RHOBTB2: variants seen among roughly 807,000 people sequenced by gnomAD.
RHOBTB2 encodes the protein rho-related BTB domain-containing protein 2.
Under a neutral mutation model 66.5 loss-of-function variants are expected in RHOBTB2, and 39 were observed. That is an observed-to-expected ratio of 0.59 (90% CI 0.45 to 0.77). The LOEUF is 0.77. Among genes scored for constraint, RHOBTB2 ranks in the 30% least tolerant of loss-of-function variants. RHOBTB2 has a pLI of 0.00. For missense variants in RHOBTB2, 755 were observed against 999.1 expected, an observed-to-expected ratio of 0.76 and a Z score of 3.29; for synonymous variants, 390 against 395.0, an observed-to-expected ratio of 0.99 and a Z score of 0.15.
upstream of RHOBTB2, among the ~76,000 whole-genome samples, chr8:22,986,474 G>C: frequency 6.6e-6 from 1 of 151,650 alleles, no homozygotes; most frequent in East Asian, 1.9e-4. Context: ...GCCCAGGCTG[G>C]TCTTGAACTA....
chr8:23,010,597 C>G lies in RHOBTB2; in HGVS notation c.1680C>G (p.Thr560=). ...CMRAVLEYLY[T]GMFTSSPDLD... is the part of the protein sequence containing the mutation. ...GGGCCGTGCTGGAATACCTCTACAC[C>G]GGCATGTTCACCTCCAGCCCCGACC... The change falls in exon 7 of 10, where the codon ACC becomes ACG. Residue 560 remains threonine (T), a synonymous_variant. Transcript: ENST00000251822. 2 of 1,614,124 alleles carry G rather than the reference C, an allele frequency of 1.2e-6. No individual in the cohort carries two copies.
At chr8:22,975,096 T>C in the RHOBTB2 span, among the ~76,000 whole-genome samples, 2 of 151,980 alleles carry the variant, frequency 1.3e-5, no homozygotes, top group Non-Finnish European at 2.9e-5. Flanking sequence ...GCCTCCTCTC[T>C]CCCAAGAGAG....
chr8:22,972,474 A>G, the RHOBTB2 span, among the ~76,000 whole-genome samples: 1 of 152,156 alleles, frequency 6.6e-6, no homozygotes, highest in Non-Finnish European at 1.5e-5. Context: ...CACCACTGTC[A>G]GCCCTCCCGG....
chr8:22,976,012 GAC>G, the RHOBTB2 span, among the ~76,000 whole-genome samples: 1 of 152,116 alleles, frequency 6.6e-6, no homozygotes, highest in African/African-American at 2.4e-5. Context: ...CAAGTGTGGT[GAC>G]ACACACCTGT....
intron 3 of RHOBTB2, 146 bp downstream of exon 3, chr8:23,005,621 C>A (rs1810924698): frequency 1.5e-6 from 1 of 656,544 alleles, no homozygotes; most frequent in South Asian, 1.8e-5. Flanking sequence ...GGGGCTGGGG[C>A]AGCCTGGTGC....
Position 23,007,684 on chromosome 8 carries a change from A to G in RHOBTB2, c.1439A>G (p.Lys480Arg). The G allele has an allele frequency of 6.2e-7, 1 of 1,614,194 alleles. No individual in the cohort carries two copies. The highest frequency in any genetic ancestry group is 8.5e-7 in the Non-Finnish European group (1 of 1,180,038). Residue 480 changes from lysine (K) to arginine (R), a missense_variant, in exon 5 of 10, where the codon AAG becomes AGG. Lys to Arg is a conservative substitution (Grantham distance 26). Transcript: ENST00000251822. ...NEAFMNQEIT[K>R]AFHVRRTNRV... Reference sequence around the variant, plus strand: ...GCCTTCATGAACCAGGAGATCACCAAGGCCTTCCACGTCCGCCGGACCAAC... The same window carrying G: ...GCCTTCATGAACCAGGAGATCACCAGGGCCTTCCACGTCCGCCGGACCAAC...
chr8:23,014,103 T>A (rs1349150273), intron 7 of RHOBTB2, among the ~76,000 whole-genome samples: 1 of 152,230 alleles, frequency 6.6e-6, no homozygotes, highest in Non-Finnish European at 1.5e-5. Context: ...TTCTAGGTCT[T>A]TTCTGGGGGC....
chr8:23,000,324 G>A (rs1434161483), intron 1 of RHOBTB2, among the ~76,000 whole-genome samples: 2 of 152,192 alleles, frequency 1.3e-5, no homozygotes, highest in African/African-American at 4.8e-5. Flanking sequence ...GGCCTGTCGT[G>A]CCCCTCCCCC....
chr8:22,972,652 A>G, the RHOBTB2 span, among the ~76,000 whole-genome samples: 1 of 152,190 alleles, frequency 6.6e-6, no homozygotes, highest in Admixed American at 6.5e-5. Context: ...CAGGCATCAG[A>G]GGCGCTCGGA....
the RHOBTB2 span, among the ~76,000 whole-genome samples, chr8:22,968,269 GT>G: frequency 6.6e-6 from 1 of 151,908 alleles, no homozygotes; most frequent in Non-Finnish European, 1.5e-5. Context: ...TAAAATGGGA[GT>G]TTTTTCTTAA....
rs1325300308 is a variant in RHOBTB2 at position 23,018,899 on chromosome 8, T to C, written c.*1430T>C. The stretch of plus-strand genomic sequence containing the variant: ...GAATGGAGCAGGAGGAAAAGCAGAG[T>C]TGGTCTAGAGAGGAGGAGGGCGGGG... On this transcript the variant is annotated 3_prime_UTR_variant, in exon 10 of 10. Coordinates refer to ENST00000251822, the MANE Select transcript of RHOBTB2 (RefSeq NM_015178.3). 6.6e-6 allele frequency: 1 copy of C among 152,392 alleles called. No individual in the cohort carries two copies. Among genetic ancestry groups the C allele is most frequent in the Non-Finnish European group, 1.5e-5 (1 of 68,238 alleles). The allele number at this position is 152,392 out of a possible 1,614,324, so 9.4% of individuals were successfully genotyped here.
In RHOBTB2 at chr8:23,004,049, TC is replaced by T. The variant is rs1810867791; in HGVS notation, c.-10-375del. ...CTGTTTGTTGTTCTGCTGCCACTGC[TC>T]TGCCGGGGAAGGAGGAGGAGAGCAG... On this transcript the variant is annotated intron_variant, in intron 1 of 9. Coordinates refer to ENST00000251822, the MANE Select transcript of RHOBTB2 (RefSeq NM_015178.3). This position sits in a 1 kb window ranked among gnomAD's most constrained non-coding sequence, Gnocchi z 6.4. 9.5e-6 allele frequency: 3 copies of T among 315,892 alleles called. No homozygotes were observed. The highest frequency in any genetic ancestry group is 4.4e-5 in the Admixed American group (1 of 22,738). The allele number at this position is 315,892 out of a possible 1,614,324, so 19.6% of individuals were successfully genotyped here. A position where few individuals can be genotyped will look rare whatever the true frequency, so the allele number is the denominator to read the frequency against.
chr8:22,995,904 G>A (rs1343598188), upstream of RHOBTB2: 2 of 1,550,614 alleles, frequency 1.3e-6, no homozygotes, highest in Non-Finnish European at 8.7e-7. Flanking sequence ...GCAAAGTGTT[G>A]AAGGGTAAAG....
At chr8:22,954,596 T>C in the RHOBTB2 span, among the ~76,000 whole-genome samples, 1 of 152,204 alleles carries the variant, frequency 6.6e-6, no homozygotes, top group African/African-American at 2.4e-5. Context: ...TTGAGACAAT[T>C]GGATTCACTG....
chr8:22,954,806 A>G, the RHOBTB2 span, among the ~76,000 whole-genome samples: 1 of 152,242 alleles, frequency 6.6e-6, no homozygotes, highest in Non-Finnish European at 1.5e-5. Flanking sequence ...AGATTTGACT[A>G]TATCTAAAAC....
At chr8:23,015,583 GC>G in intron 8 of RHOBTB2, 54 bp from the exon 9 acceptor site, 2 of 1,291,920 alleles carry the variant, frequency 1.5e-6, no homozygotes, top group Non-Finnish European at 2.2e-6. Context: ...AGGTGTCTAT[GC>G]AGACCCTCTC....
the RHOBTB2 span, among the ~76,000 whole-genome samples, chr8:22,979,678 C>A: frequency 6.6e-6 from 1 of 150,696 alleles, no homozygotes; most frequent in African/African-American, 2.4e-5. Context: ...TTTCTTGAGC[C>A]AAATTATGGG....
At chr8:22,950,891 T>A in the RHOBTB2 span, among the ~76,000 whole-genome samples, 1 of 152,232 alleles carries the variant, frequency 6.6e-6, no homozygotes, top group African/African-American at 2.4e-5. Context: ...ATTTGGAACA[T>A]GCCTAGCTCC....
chr8:23,011,235 CAG>C (rs1387181965), intron 7 of RHOBTB2, among the ~76,000 whole-genome samples: 3 of 152,188 alleles, frequency 2.0e-5, no homozygotes, highest in African/African-American at 4.8e-5. Flanking sequence ...GCCTGGGTGA[CAG>C]AGTGAAACTG....
Sources: allele counts gnomAD v4.1 joint callset (sites outside exome capture counted in the v4.1 genomes callset), GRCh38; gene constraint gnomAD v4.1.1; non-coding constraint Gnocchi (gnomAD v3.1); transcripts MANE v1.5; gene names NCBI Gene and HGNC (gene_info 2026-07-23, HGNC 2026-07-21).